Variants in KALRN observed in about 807,000 individuals in gnomAD.
KALRN encodes kalirin.
A neutral mutation model predicts 353.7 loss-of-function variants in KALRN; 70 were observed. The ratio of observed to expected loss-of-function variants is 0.20; its 90% CI spans 0.16 to 0.24. The LOEUF (loss-of-function observed/expected upper bound fraction) is 0.24. Among genes scored for constraint, KALRN ranks in the 10% least tolerant of loss-of-function variants. The pLI, the probability that KALRN is intolerant of heterozygous loss-of-function variation, is 1.00. For synonymous variants in KALRN, 1,391 were observed against 1,434.8 expected (o/e 0.97, Z 0.69); for missense variants, 2,791 against 3,756.7 (o/e 0.74, Z 6.72).
At chr3:124,318,654 A>G (rs996326554) in intron 6 of KALRN, among the ~76,000 whole-genome samples, 1 of 152,190 alleles carries the variant, frequency 6.6e-6, no homozygotes. Flanking sequence ...TCTTACTGAT[A>G]CTGAATGTTA....
intron 34 of KALRN, chr3:124,584,921 G>A: frequency 6.3e-7 from 1 of 1,589,494 alleles, no homozygotes. Context: ...GTGGCTGTCG[G>A]CGGCCTTGGT....
intron 33 of KALRN, among the ~76,000 whole-genome samples, chr3:124,540,882 C>A (rs1012065266): frequency 6.6e-6 from 1 of 152,206 alleles, no homozygotes; most frequent in Non-Finnish European, 1.5e-5. Context: ...GTCAACCCCC[C>A]ACAGCAGAGC....
intron 9 of KALRN, among the ~76,000 whole-genome samples, chr3:124,345,188 A>G (rs1402014390): frequency 6.6e-6 from 1 of 152,258 alleles, no homozygotes; most frequent in Non-Finnish European, 1.5e-5. Context: ...GTTCTTTTAT[A>G]TGCAAAAAAT....
chr3:124,275,695 T>C (rs1391430330), intron 5 of KALRN, among the ~76,000 whole-genome samples: 2 of 152,250 alleles, frequency 1.3e-5, no homozygotes, highest in African/African-American at 2.4e-5. Flanking sequence ...GCTGAGACCA[T>C]GAAGAGTGTC....
chr3:124,722,630 G>C lies in KALRN; in HGVS notation c.*3160G>C, dbSNP rs1301229428. The stretch of plus-strand genomic sequence containing the variant: ...GATGATCCTGGGGAATGTACTTTAG[G>C]TTGCTCTGAGGGCAACCGTGCTTAG... On this transcript the variant is annotated 3_prime_UTR_variant, in exon 60 of 60. Coordinates refer to ENST00000682506, the MANE Select transcript of KALRN (RefSeq NM_001388419.1). 2 of 152,062 alleles carry C rather than the reference G, an allele frequency of 1.3e-5. No individual in the cohort carries two copies. Among genetic ancestry groups the C allele is most frequent in the African/African-American group, 4.8e-5 (2 of 41,420 alleles). 9.4% of individuals were successfully genotyped at this position (152,062 alleles called of 1,614,324 possible). A position where few individuals can be genotyped will look rare whatever the true frequency, so the allele number is the denominator to read the frequency against.
At chr3:124,481,773 C>A (rs548870382) in intron 27 of KALRN, among the ~76,000 whole-genome samples, 4 of 152,162 alleles carry the variant, frequency 2.6e-5, no homozygotes, top group Non-Finnish European at 5.9e-5. Context: ...CTTAACCCAC[C>A]CCCACTGCCC....
intron 1 of KALRN, among the ~76,000 whole-genome samples, chr3:124,218,047 AG>A (rs2077515461): frequency 6.6e-6 from 1 of 152,176 alleles, no homozygotes; most frequent in African/African-American, 2.4e-5. Context: ...CTGCTCCAGG[AG>A]CTGCCTGTGA....
At chr3:124,317,895 C>A (rs1475551931) in intron 6 of KALRN, among the ~76,000 whole-genome samples, 8 of 152,018 alleles carry the variant, frequency 5.3e-5, no homozygotes, top group African/African-American at 1.9e-4. Context: ...TCACTAGGTG[C>A]CCCTGAATCT....
intron 33 of KALRN, among the ~76,000 whole-genome samples, chr3:124,501,145 A>G (rs2064479502): frequency 1.3e-5 from 2 of 152,200 alleles, no homozygotes; most frequent in African/African-American, 2.4e-5. Flanking sequence ...AAATCACTAT[A>G]AATTTCCAGA....
At chr3:124,495,729 TAA>T (rs1170201040) in intron 32 of KALRN, among the ~76,000 whole-genome samples, 3 of 68,228 alleles carry the variant, frequency 4.4e-5, no homozygotes, top group Admixed American at 2.0e-4. Flanking sequence ...GACTCCATCT[TAA>T]AAAAAAAAAA....
rs577657840 is a variant in KALRN at position 124,257,396 on chromosome 3, TAAAG to T, written c.264-7097_264-7094del. ...ATTTTTAAACAAGTGTTCTAGGTGA[TAAAG>T]AAAGTCACTAAAGTTTGAGAAGCAT... On this transcript the variant is annotated intron_variant, in intron 3 of 59. Coordinates refer to ENST00000682506, the MANE Select transcript of KALRN (RefSeq NM_001388419.1). Among the ~76,000 whole-genome samples the T allele has an allele frequency of 1.9e-3, 289 of 152,310 alleles. 1 individual carries two copies. The highest frequency in any genetic ancestry group is 3.2e-3 in the Non-Finnish European group (219 of 68,028).
At chr3:124,591,726 C>T (rs1432028175) in intron 34 of KALRN, among the ~76,000 whole-genome samples, 1 of 152,176 alleles carries the variant, frequency 6.6e-6, no homozygotes, top group Non-Finnish European at 1.5e-5. Context: ...TAATACTAGA[C>T]ATAGACCCCA....
chr3:124,533,753 A>G (rs756329821), intron 33 of KALRN, among the ~76,000 whole-genome samples: 7 of 152,254 alleles, frequency 4.6e-5, no homozygotes, highest in Non-Finnish European at 8.8e-5. Context: ...TGGCAAGAGC[A>G]TTACTAAAAT....
chr3:124,606,622 C>T (rs1472385846), intron 34 of KALRN, among the ~76,000 whole-genome samples: 2 of 152,066 alleles, frequency 1.3e-5, no homozygotes, highest in African/African-American at 4.8e-5. Flanking sequence ...CCACAGATCT[C>T]ATTATACATA....
intron 1 of KALRN, chr3:124,152,357 G>A (rs2068233919): frequency 1.8e-5 from 22 of 1,199,210 alleles, no homozygotes; most frequent in South Asian, 3.6e-5. Context: ...TGACGAAGGC[G>A]AAGAAGCTGC....
chr3:124,619,990 T>TC (rs1471046360), intron 34 of KALRN, among the ~76,000 whole-genome samples: 2 of 152,132 alleles, frequency 1.3e-5, no homozygotes, highest in Admixed American at 6.5e-5. Context: ...TTTTTTTTTT[T>TC]CCACAATGAA....
At chr3:124,502,919 G>A (rs543914567) in intron 33 of KALRN, among the ~76,000 whole-genome samples, 1 of 152,158 alleles carries the variant, frequency 6.6e-6, no homozygotes, top group Non-Finnish European at 1.5e-5. Context: ...AAACCATCAC[G>A]ATGGTCCATC....
At chr3:124,359,521 G>A (rs74376970) in intron 10 of KALRN, among the ~76,000 whole-genome samples, 3,222 of 152,240 alleles carry the variant, frequency 0.021, 117 homozygotes, top group East Asian at 0.1. Context: ...CCTCTGCTGG[G>A]ACATATGATA....
chr3:124,069,080 C>A (rs192403828), intron 1 of KALRN, among the ~76,000 whole-genome samples: 1 of 152,068 alleles, frequency 6.6e-6, no homozygotes, highest in Non-Finnish European at 1.5e-5. Context: ...ACCCTCCACA[C>A]GTTTGGTATA....
Sources: allele counts gnomAD v4.1 joint callset (sites outside exome capture counted in the v4.1 genomes callset), GRCh38; gene constraint gnomAD v4.1.1; transcripts MANE v1.5; gene names NCBI Gene and HGNC (gene_info 2026-07-23, HGNC 2026-07-21).